Variants in FMO3 observed in about 807,000 individuals in gnomAD.
The protein encoded by FMO3 is flavin-containing monooxygenase 3.
Under a neutral mutation model 39.4 loss-of-function variants are expected in FMO3, and 40 were observed. The observed-to-expected ratio is 1.02, with a 90% confidence interval of 0.79 to 1.32. The LOEUF is 1.32. FMO3 is among the 40% of genes most tolerant of loss of function. FMO3 has a pLI of 0.00. For synonymous variants in FMO3, 219 were observed against 228.8 expected, an observed-to-expected ratio of 0.96 and a Z score of 0.39; for missense variants, 680 against 651.8, an observed-to-expected ratio of 1.04 and a Z score of -0.47.
chr1:171,096,250 TTA>T (rs1312832977), intron 2 of FMO3, among the ~76,000 whole-genome samples: 1 of 72,692 alleles, frequency 1.4e-5, no homozygotes, highest in African/African-American at 5.7e-5. Flanking sequence ...TTCATACATA[TTA>T]TATAATTTTA....
At chr1:171,098,270 G>T (rs1247858253) in intron 2 of FMO3, among the ~76,000 whole-genome samples, 1 of 152,152 alleles carries the variant, frequency 6.6e-6, no homozygotes, top group Admixed American at 6.6e-5. Flanking sequence ...ACTTGGCAAT[G>T]CGGGCTCTTT....
intron 2 of FMO3, among the ~76,000 whole-genome samples, chr1:171,096,621 A>C (rs1655083973): frequency 8.0e-6 from 1 of 125,054 alleles, no homozygotes; most frequent in Non-Finnish European, 1.6e-5. Flanking sequence ...TAAATACATA[A>C]TATACTTTAT....
intron 1 of FMO3, 85 bp from the exon 2 acceptor site, chr1:171,092,568 G>A (rs1239310031): frequency 5.3e-6 from 8 of 1,515,852 alleles, no homozygotes; most frequent in Non-Finnish European, 7.3e-6. Context: ...TTAAGCCAAA[G>A]AGCGAAATCA....
At chr1:171,093,764 C>G (rs1654825245) in intron 2 of FMO3, among the ~76,000 whole-genome samples, 2 of 147,638 alleles carry the variant, frequency 1.4e-5, no homozygotes, top group South Asian at 4.5e-4. Flanking sequence ...AATCTCCATA[C>G]TGTTTTCTAT....
Position 171,117,607 on chromosome 1 carries a change from T to A in FMO3, c.*165T>A. On this transcript the variant is annotated 3_prime_UTR_variant, in exon 9 of 9. Coordinates refer to ENST00000367755, the MANE Select transcript of FMO3 (RefSeq NM_001002294.3). Reference sequence around the variant, plus strand: ...ACAGTGTTATTTCTAGGCTCTGAAATAGCCACTTTAAGAATCATGTCATGA... The same window carrying A: ...ACAGTGTTATTTCTAGGCTCTGAAAAAGCCACTTTAAGAATCATGTCATGA... 1 of 585,740 alleles carries A rather than the reference T, an allele frequency of 1.7e-6. No homozygotes were observed. The highest frequency in any genetic ancestry group is 3.0e-6 in the Non-Finnish European group (1 of 334,428). The allele number at this position is 585,740 out of a possible 1,614,324, so 36.3% of individuals were successfully genotyped here. A position where few individuals can be genotyped will look rare whatever the true frequency, so the allele number is the denominator to read the frequency against.
chr1:171,105,498 CCCA>C (rs1288726392), intron 3 of FMO3, among the ~76,000 whole-genome samples: 1 of 152,120 alleles, frequency 6.6e-6, no homozygotes, highest in Non-Finnish European at 1.5e-5. Context: ...AGTTTACGGT[CCCA>C]CCAACAGTGT....
Position 171,114,150 on chromosome 1 carries a change from G to A in FMO3, c.971G>A (p.Cys324Tyr). The A allele has an allele frequency of 6.2e-7, 1 of 1,614,044 alleles. No individual in the cohort carries two copies. Among genetic ancestry groups the A allele is most frequent in the South Asian group, 1.1e-5 (1 of 91,086 alleles). The change falls in exon 7 of 9, where the codon TGT becomes TAT. Residue 324 changes from cysteine to tyrosine, a missense_variant. By Grantham distance (194) the Cys-to-Tyr change is radical. Transcript: ENST00000367755. ...EDGTIFEGID[C>Y]VIFATGYSFA... ...GGGACCATATTTGAGGGCATTGACT[G>A]TGTAATCTTTGCAACAGGGTATAGT...
intron 6 of FMO3, 34 bp downstream of exon 6, chr1:171,111,031 C>T: frequency 1.3e-6 from 2 of 1,566,554 alleles, no homozygotes; most frequent in Non-Finnish European, 1.8e-6. Flanking sequence ...TGCCTGCTGG[C>T]TTTTAGTTCA....
intron 2 of FMO3, among the ~76,000 whole-genome samples, chr1:171,093,269 G>A (rs886847003): frequency 6.6e-5 from 10 of 151,686 alleles, no homozygotes; most frequent in East Asian, 3.9e-4. Flanking sequence ...TACCTCAACC[G>A]CCTCCCACTC....
rs1028378518 is a variant in FMO3, at chr1:171,117,171, C to A, written c.1328C>A (p.Ala443Glu). 1.2e-6 allele frequency: 2 copies of A among 1,614,176 alleles called. No homozygotes were observed. Among genetic ancestry groups the A allele is most frequent in the East Asian group, 4.5e-5 (2 of 44,880 alleles). ...YMDELSSFIG[A>E]KPNIPWLFLT... is the part of the protein sequence containing the mutation. ...GATGAACTCTCCTCCTTCATTGGGG[C>A]AAAGCCCAACATCCCATGGCTGTTT... is the stretch of plus-strand genomic sequence containing the variant. The change falls in exon 9 of 9, where the codon GCA (alanine) becomes GAA (glutamate). Residue 443 changes from alanine (A) to glutamate (E), a missense_variant. Ala to Glu is a moderately radical substitution (Grantham distance 107, BLOSUM62 -1). Transcript: ENST00000367755.
chr1:171,093,639 G>T lies in FMO3; in HGVS notation c.132+849G>T, dbSNP rs567856721. Among the ~76,000 whole-genome samples the T allele has an allele frequency of 5.3e-5, 8 of 151,924 alleles. No homozygotes were observed. The East Asian group carries it at 1.5e-3, about 29-fold the overall frequency. Reference sequence around the variant, plus strand: ...TCTTTGCTATTGTGAATGGTGCTGCGATAAACATATGGGTGCAGGAATTTT... The same window carrying T: ...TCTTTGCTATTGTGAATGGTGCTGCTATAAACATATGGGTGCAGGAATTTT... On this transcript the variant is annotated intron_variant, in intron 2 of 8. Coordinates refer to ENST00000367755, the MANE Select transcript of FMO3 (RefSeq NM_001002294.3).
At chr1:171,109,877 C>A (rs2101916277) in intron 5 of FMO3, among the ~76,000 whole-genome samples, 1 of 152,096 alleles carries the variant, frequency 6.6e-6, no homozygotes, top group Admixed American at 6.6e-5. Context: ...CCTCTTATAA[C>A]AAATGCCTTG....
At chr1:171,102,432 T>C (rs1655440782) in intron 2 of FMO3, among the ~76,000 whole-genome samples, 1 of 152,060 alleles carries the variant, frequency 6.6e-6, no homozygotes, top group African/African-American at 2.4e-5. Flanking sequence ...CTCCAACCAG[T>C]ATTTTTTTTT....
At chr1:171,102,962 C>A (rs1655473959) in intron 2 of FMO3, among the ~76,000 whole-genome samples, 2 of 152,110 alleles carry the variant, frequency 1.3e-5, no homozygotes, top group Non-Finnish European at 2.9e-5. Flanking sequence ...AAATAGTTAA[C>A]CTTATTTTAT....
At chr1:171,102,675 A>C (rs1325656151) in intron 2 of FMO3, among the ~76,000 whole-genome samples, 1 of 152,196 alleles carries the variant, frequency 6.6e-6, no homozygotes, top group African/African-American at 2.4e-5. Flanking sequence ...CCTAATGCTC[A>C]GTGTGTTTTT....
intron 3 of FMO3, 150 bp from the exon 4 acceptor site, chr1:171,107,524 GT>G: frequency 1.5e-6 from 1 of 666,276 alleles, no homozygotes; most frequent in Non-Finnish European, 2.6e-6. Flanking sequence ...ACCATTTAGT[GT>G]TTTGATTTAT....
chr1:171,095,738 A>C (rs1416468373), intron 2 of FMO3, among the ~76,000 whole-genome samples: 1 of 132,222 alleles, frequency 7.6e-6, no homozygotes, highest in Admixed American at 9.6e-5. Context: ...TCTTTTATAT[A>C]TATCTATAAT....
chr1:171,115,165 G>A (rs1410763716), intron 7 of FMO3, among the ~76,000 whole-genome samples: 1 of 152,126 alleles, frequency 6.6e-6, no homozygotes, highest in Non-Finnish European at 1.5e-5. Context: ...TTAAAGGAAG[G>A]GTGCTACCCT....
chr1:171,117,492 G>C lies in FMO3; in HGVS notation c.*50G>C, dbSNP rs1441193221. 1 of 1,480,510 alleles carries C rather than the reference G, an allele frequency of 6.8e-7. No homozygotes were observed. The highest frequency in any genetic ancestry group is 2.3e-5 in the East Asian group (1 of 44,120). 91.7% of individuals were successfully genotyped at this position (1,480,510 alleles called of 1,614,324 possible). On this transcript the variant is annotated 3_prime_UTR_variant, in exon 9 of 9. Coordinates refer to ENST00000367755, the MANE Select transcript of FMO3 (RefSeq NM_001002294.3). ...AAAGTTACTGACAATACCCAGACAG[G>C]GGCTTTGCTATTTAAAAATTAAAAT... is the stretch of plus-strand genomic sequence containing the variant.
Sources: gnomAD v4.1 joint callset for allele counts (sites outside exome capture counted in the v4.1 genomes callset) on GRCh38, gnomAD v4.1.1 for gene constraint, MANE v1.5 for transcripts, NCBI Gene and HGNC (gene_info 2026-07-23, HGNC 2026-07-21) for gene names.